Variants in KCNQ2 observed in about 807,000 individuals in gnomAD.
KCNQ2 encodes potassium voltage-gated channel subfamily Q member 2, also known as potassium voltage-gated channel subfamily KQT member 2.
A neutral mutation model predicts 84.8 loss-of-function variants in KCNQ2; 14 were observed. The observed-to-expected ratio is 0.17, with a 90% CI of 0.11 to 0.26. The LOEUF (loss-of-function observed/expected upper bound fraction) is 0.26. Among genes scored for constraint, KCNQ2 ranks in the 10% least tolerant of loss-of-function variants. The pLI, the probability that KCNQ2 is intolerant of heterozygous loss-of-function variation, is 1.00. For synonymous variants in KCNQ2, 599 were observed against 554.1 expected, an observed-to-expected ratio of 1.08 and a Z score of -1.14; for missense variants, 788 against 1,254.0, an observed-to-expected ratio of 0.63 and a Z score of 5.61.
At chr20:63,443,527 CACCACCACCACCACCATG>C (rs1334634452) in intron 4 of KCNQ2, 2 of 124,004 alleles carry the variant, frequency 1.6e-5, no homozygotes, top group East Asian at 5.4e-4. Flanking sequence ...CCATCACCAT[CACCACCACCACCACCATG>C]ACCATCATGA....
chr20:63,467,208 C>T (rs1325989166), intron 1 of KCNQ2, among the ~76,000 whole-genome samples: 2 of 152,204 alleles, frequency 1.3e-5, no homozygotes, highest in Non-Finnish European at 2.9e-5. Context: ...CAAGGCAGCT[C>T]GGCCATCCCA....
rs368549458 is a variant in KCNQ2 at position 63,407,084 on chromosome 20, C to T, written c.2179G>A (p.Gly727Ser). 24 of 1,531,660 alleles carry T rather than the reference C, an allele frequency of 1.6e-5. No homozygotes were observed. The highest frequency in any genetic ancestry group is 2.4e-5 in the South Asian group (2 of 84,114). 94.9% of individuals were successfully genotyped at this position (1,531,660 alleles called of 1,614,324 possible). The change falls in exon 17 of 17, where the codon GGC becomes AGC. Residue 727 changes from glycine (G) to serine (S), a missense_variant. Gly to Ser is a moderately conservative substitution (Grantham distance 56). Transcript: ENST00000359125. The surrounding 1 kb of genome is among the most constrained non-coding windows in gnomAD (Gnocchi z 7.2). The part of the protein sequence containing the change: ...SWQPQSHPRQ[G>S]HGTSPVGDHG... ...TCCCCCACGGGGGAGGTGCCGTGGC[C>T]CTGGCGCGGGTGGCTCTGTGGCTGC...
At chr20:63,453,888 C>T (rs1306370732) in intron 1 of KCNQ2, among the ~76,000 whole-genome samples, 1 of 152,032 alleles carries the variant, frequency 6.6e-6, no homozygotes, top group African/African-American at 2.4e-5. Flanking sequence ...GTGGGGACAA[C>T]GACAGCCCCA....
chr20:63,422,274 C>T lies in KCNQ2; in HGVS notation c.1247+1903G>A, dbSNP rs73316500. On this transcript the variant is annotated intron_variant, in intron 11 of 16. Transcript: ENST00000359125. ...TGCGGAACAACTTCCTAAGCACGAC[C>T]CTACACTGGACAGGCTGCGGCTGCC... The T allele has an allele frequency of 6.1e-3, 938 of 153,004 alleles. 7 individuals carry two copies. The highest frequency in any genetic ancestry group is 0.022 in the African/African-American group (905 of 41,568). 9.5% of individuals were successfully genotyped at this position (153,004 alleles called of 1,614,324 possible).
chr20:63,410,016 C>G (rs1331565845), intron 15 of KCNQ2: 1 of 281,208 alleles, frequency 3.6e-6, no homozygotes, highest in Admixed American at 5.2e-5. Flanking sequence ...CTTTCTGTTG[C>G]GAGAAACAGA....
At chr20:63,440,354 G>A (rs890275091) in intron 5 of KCNQ2, among the ~76,000 whole-genome samples, 2 of 152,266 alleles carry the variant, frequency 1.3e-5, no homozygotes, top group East Asian at 3.9e-4. Context: ...AGCGAAGGAC[G>A]GACACGTCTC....
At position 63,460,734 on chromosome 20, in the gene KCNQ2, C is replaced by A. The variant is rs956165039; in HGVS notation, c.296+11434G>T. 9.9e-5 allele frequency among the ~76,000 whole-genome samples: 15 copies of A among 152,228 alleles called. No individual in the cohort carries two copies. The highest frequency in any genetic ancestry group is 3.1e-4 in the African/African-American group (13 of 41,446). ...TCACCTAATCACATTCAGGCAGACC[C>A]GGGGCCTGCAGGACAGCCCTGGATG... On this transcript the variant is annotated intron_variant, in intron 1 of 16. Coordinates refer to ENST00000359125, the MANE Select transcript of KCNQ2 (RefSeq NM_172107.4). This position sits in a 1 kb window ranked among gnomAD's most constrained non-coding sequence, Gnocchi z 5.4.
At chr20:63,426,504 T>C (rs1476810877) in intron 10 of KCNQ2, among the ~76,000 whole-genome samples, 1 of 151,952 alleles carries the variant, frequency 6.6e-6, no homozygotes, top group African/African-American at 2.4e-5. Flanking sequence ...GAATGCCTTT[T>C]TTTTTTTTTT....
intron 1 of KCNQ2, among the ~76,000 whole-genome samples, chr20:63,466,131 A>G (rs1338222079): frequency 6.6e-6 from 1 of 152,176 alleles, no homozygotes; most frequent in Non-Finnish European, 1.5e-5. Context: ...GGAAGCCACG[A>G]ACAGGAAGAC....
intron 4 of KCNQ2, chr20:63,443,553 TGACCATCAC>T (rs1172316412): frequency 6.0e-5 from 2 of 33,538 alleles, no homozygotes; most frequent in Non-Finnish European, 1.2e-4. Context: ...ATGACCATCA[TGACCATCAC>T]CACCACCACC....
At chr20:63,409,359 C>A (rs2080044510) in intron 15 of KCNQ2, among the ~76,000 whole-genome samples, 2 of 152,244 alleles carry the variant, frequency 1.3e-5, no homozygotes, top group African/African-American at 4.8e-5. Flanking sequence ...CTGAGCTGAT[C>A]TCCAATGAGG....
intron 1 of KCNQ2, chr20:63,463,770 T>G (rs991078384): frequency 2.0e-5 from 3 of 152,094 alleles, no homozygotes; most frequent in African/African-American, 7.3e-5. Context: ...AAGGGCTCCA[T>G]GGGGAGGAAC....
Position 63,446,768 on chromosome 20 carries a change from C to G in KCNQ2, c.366G>C (p.Ser122=). The G allele has an allele frequency of 1.9e-6, 3 of 1,613,512 alleles. No individual in the cohort carries two copies. The highest frequency in any genetic ancestry group is 2.5e-6 in the Non-Finnish European group (3 of 1,179,946). The part of the protein sequence containing the change: ...FSTIKEYEKS[S]EGALYILEIV... The stretch of plus-strand genomic sequence containing the variant: ...TCACCAGGATGTAGAGGGCCCCCTC[C>G]GAGCTCTTCTCATACTCCTTGATGG... Residue 122 remains serine (S), a synonymous_variant, in exon 2 of 17, where the codon TCG becomes TCC. Transcript: ENST00000359125. The surrounding 1 kb of genome is among the most constrained non-coding windows in gnomAD (Gnocchi z 5.5).
chr20:63,408,078 G>T lies in KCNQ2; in HGVS notation c.1887+335C>A, dbSNP rs1041689242. ...AGCGGCCAGGGTGTCGGGCAAGGAG[G>T]ACAGAGAGGAGGAAGGCCAGGCAGG... On this transcript the variant is annotated intron_variant, in intron 16 of 16. Transcript: ENST00000359125. This position sits in a 1 kb window ranked among gnomAD's most constrained non-coding sequence, Gnocchi z 5.0. The T allele has an allele frequency of 2.7e-6, 1 of 365,940 alleles. No homozygotes were observed. The allele number at this position is 365,940 out of a possible 1,614,324, so 22.7% of individuals were successfully genotyped here.
chr20:63,435,736 C>T (rs769751481), intron 7 of KCNQ2, among the ~76,000 whole-genome samples: 10 of 152,350 alleles, frequency 6.6e-5, no homozygotes, highest in Admixed American at 1.3e-4. Flanking sequence ...GGCCCAGCAG[C>T]GGCATCTCAA....
At chr20:63,419,986 C>T (rs2080417203) in intron 11 of KCNQ2, among the ~76,000 whole-genome samples, 1 of 152,162 alleles carries the variant, frequency 6.6e-6, no homozygotes, top group Admixed American at 6.5e-5. Context: ...GCTGACAAAA[C>T]AATAATACAT....
intron 1 of KCNQ2, among the ~76,000 whole-genome samples, chr20:63,470,540 G>C (rs529395750): frequency 3.3e-5 from 5 of 152,204 alleles, no homozygotes; most frequent in African/African-American, 7.2e-5. Context: ...GCGGCCATGC[G>C]GAGAGCTGCT....
At chr20:63,434,997 T>C (rs1215416971) in intron 7 of KCNQ2, among the ~76,000 whole-genome samples, 1 of 152,228 alleles carries the variant, frequency 6.6e-6, no homozygotes, top group Non-Finnish European at 1.5e-5. Context: ...TTACGAACTT[T>C]CTGAGAAACA....
Position 63,431,213 on chromosome 20 carries a change from G to C in KCNQ2, c.1148+127C>G, listed in dbSNP as rs572600647. 72 of 1,084,420 alleles carry C rather than the reference G, an allele frequency of 6.6e-5. 1 individual carries two copies. In the Middle Eastern group the frequency reaches 1.1e-3, roughly 16 times the overall value. 67.2% of individuals were successfully genotyped at this position (1,084,420 alleles called of 1,614,324 possible). ...GCAGGGGGCATAGGGATGCTCGGTG[G>C]GCAGGGACAGTGGTCACTCTGCAGA... On this transcript the variant is annotated intron_variant, in intron 9 of 16. Transcript: ENST00000359125.
Sources: allele counts gnomAD v4.1 joint callset (sites outside exome capture counted in the v4.1 genomes callset), GRCh38; gene constraint gnomAD v4.1.1; non-coding constraint Gnocchi (gnomAD v3.1); transcripts MANE v1.5; gene names NCBI Gene and HGNC (gene_info 2026-07-23, HGNC 2026-07-21).